Variants in SPOCK3 observed in about 807,000 individuals in gnomAD.
The protein encoded by SPOCK3 is testican-3.
A neutral mutation model predicts 56.6 loss-of-function variants in SPOCK3; 30 were observed. The observed-to-expected ratio is 0.53, with a 90% confidence interval of 0.40 to 0.72. The LOEUF (loss-of-function observed/expected upper bound fraction) is 0.72. Among genes scored for constraint, SPOCK3 ranks in the 30% least tolerant of loss-of-function variants. SPOCK3 has a pLI of 0.00. For synonymous variants in SPOCK3, 196 were observed against 183.3 expected, an observed-to-expected ratio of 1.07 and a Z score of -0.56; for missense variants, 527 against 530.0, an observed-to-expected ratio of 0.99 and a Z score of 0.06.
intron 6 of SPOCK3, among the ~76,000 whole-genome samples, chr4:166,838,493 T>A (rs1746863320): frequency 6.6e-6 from 1 of 151,990 alleles, no homozygotes; most frequent in African/African-American, 2.4e-5. Context: ...GTTTTTTATT[T>A]TGGTTTTTAT....
At chr4:167,226,744 C>G (rs1442743534) in intron 2 of SPOCK3, among the ~76,000 whole-genome samples, 1 of 152,060 alleles carries the variant, frequency 6.6e-6, no homozygotes, top group African/African-American at 2.4e-5. Flanking sequence ...TAGATTTTCT[C>G]TTAAACGCCT....
At chr4:166,864,864 T>C (rs930979914) in intron 6 of SPOCK3, among the ~76,000 whole-genome samples, 2 of 151,798 alleles carry the variant, frequency 1.3e-5, no homozygotes, top group African/African-American at 4.8e-5. Context: ...ACAAAGAGGA[T>C]CTGGTACCAT....
At chr4:167,131,327 C>G (rs1335197744) in intron 2 of SPOCK3, among the ~76,000 whole-genome samples, 1 of 152,122 alleles carries the variant, frequency 6.6e-6, no homozygotes, top group Non-Finnish European at 1.5e-5. Flanking sequence ...GTGGCTGACA[C>G]CTAGAATCCC....
chr4:166,800,173 C>T (rs1412089082), intron 6 of SPOCK3, among the ~76,000 whole-genome samples: 2 of 79,534 alleles, frequency 2.5e-5, no homozygotes, highest in Non-Finnish European at 4.2e-5. Flanking sequence ...CAGAGAGAGA[C>T]TCCATCTCAG....
chr4:167,022,194 T>C (rs1403899569), intron 3 of SPOCK3, among the ~76,000 whole-genome samples: 3 of 151,900 alleles, frequency 2.0e-5, no homozygotes, highest in Admixed American at 2.0e-4. Flanking sequence ...CAGATCCAGA[T>C]TGAGAAGCAA....
chr4:167,032,323 G>A (rs1179843382), intron 3 of SPOCK3, among the ~76,000 whole-genome samples: 4 of 151,834 alleles, frequency 2.6e-5, no homozygotes, highest in Non-Finnish European at 5.9e-5. Context: ...AGCTCCAGAG[G>A]CAAAAATTGA....
chr4:166,743,555 G>A (rs1163288396), intron 8 of SPOCK3, among the ~76,000 whole-genome samples: 1 of 152,156 alleles, frequency 6.6e-6, no homozygotes, highest in Non-Finnish European at 1.5e-5. Context: ...GCAGAAGACG[G>A]GTGATTTCTG....
chr4:166,955,988 G>T (rs575125749), intron 4 of SPOCK3, among the ~76,000 whole-genome samples: 19 of 151,860 alleles, frequency 1.3e-4, no homozygotes, highest in African/African-American at 2.7e-4. Context: ...AATGGCTTTT[G>T]TTCCTGGTAC....
intron 2 of SPOCK3, among the ~76,000 whole-genome samples, chr4:167,197,608 C>G (rs1324594949): frequency 7.2e-6 from 1 of 138,372 alleles, no homozygotes; most frequent in African/African-American, 2.8e-5. Context: ...TGCCTTCAAC[C>G]AGAAAAAAAA....
intron 2 of SPOCK3, among the ~76,000 whole-genome samples, chr4:167,075,464 A>G (rs1364293337): frequency 1.3e-5 from 2 of 151,918 alleles, no homozygotes; most frequent in Non-Finnish European, 2.9e-5. Flanking sequence ...TGTGTCTCCC[A>G]GACTTGCTGC....
Position 166,866,002 on chromosome 4 carries a change from A to C in SPOCK3, c.589+23128T>G, listed in dbSNP as rs142279215. On this transcript the variant is annotated intron_variant, in intron 6 of 10. Coordinates refer to ENST00000357545, the MANE Select transcript of SPOCK3 (RefSeq NM_001040159.2). ...GTCCTAAACAAAAGAACAAAGCTGGAGGCATCATTGCTACCTGACTTCACA... is the reference window on the plus strand; with the variant it reads ...GTCCTAAACAAAAGAACAAAGCTGGCGGCATCATTGCTACCTGACTTCACA... Among the ~76,000 whole-genome samples, 1,329 of 152,288 alleles carry C rather than the reference A, an allele frequency of 8.7e-3. 12 individuals carry two copies. The highest frequency in any genetic ancestry group is 0.024 in the Middle Eastern group (7 of 294).
At chr4:167,072,202 T>C (rs891136370) in intron 2 of SPOCK3, among the ~76,000 whole-genome samples, 1 of 152,044 alleles carries the variant, frequency 6.6e-6, no homozygotes, top group Non-Finnish European at 1.5e-5. Context: ...CTCTTGAAAT[T>C]AGAACCCCAG....
At chr4:166,996,159 T>C (rs1748354657) in intron 4 of SPOCK3, among the ~76,000 whole-genome samples, 1 of 152,176 alleles carries the variant, frequency 6.6e-6, no homozygotes, top group South Asian at 2.1e-4. Context: ...TATAATGCCT[T>C]CTTAGGAGGT....
chr4:167,070,138 A>C (rs1756536308), intron 2 of SPOCK3, among the ~76,000 whole-genome samples: 1 of 151,970 alleles, frequency 6.6e-6, no homozygotes, highest in South Asian at 2.1e-4. Context: ...GAACATAATT[A>C]CAAACACAAC....
chr4:166,850,556 C>A (rs953271193), intron 6 of SPOCK3, among the ~76,000 whole-genome samples: 3 of 152,174 alleles, frequency 2.0e-5, no homozygotes, highest in Admixed American at 6.5e-5. Flanking sequence ...TCTGAGGTAC[C>A]GGGTTCATCT....
intron 4 of SPOCK3, among the ~76,000 whole-genome samples, chr4:166,994,546 G>A: frequency 6.6e-6 from 1 of 152,190 alleles, no homozygotes; most frequent in South Asian, 2.1e-4. Flanking sequence ...AGCTACCTGG[G>A]CCAGATTATA....
intron 4 of SPOCK3, among the ~76,000 whole-genome samples, chr4:166,946,873 G>A (rs945871347): frequency 6.6e-6 from 1 of 152,060 alleles, no homozygotes; most frequent in Non-Finnish European, 1.5e-5. Context: ...TACCATAATT[G>A]TCGAATGGAT....
At chr4:167,165,036 A>T (rs1239216645) in intron 2 of SPOCK3, among the ~76,000 whole-genome samples, 1 of 152,144 alleles carries the variant, frequency 6.6e-6, no homozygotes, top group African/African-American at 2.4e-5. Context: ...CAATGGTTGA[A>T]CTAATTTACA....
chr4:167,186,341 C>T (rs1460396893), intron 2 of SPOCK3, among the ~76,000 whole-genome samples: 2 of 152,114 alleles, frequency 1.3e-5, no homozygotes, highest in East Asian at 3.9e-4. Flanking sequence ...TAAAACAAAT[C>T]TCTAGGCCGG....
Sources: gnomAD v4.1 joint callset for allele counts (sites outside exome capture counted in the v4.1 genomes callset) on GRCh38, gnomAD v4.1.1 for gene constraint, MANE v1.5 for transcripts, NCBI Gene and HGNC (gene_info 2026-07-23, HGNC 2026-07-21) for gene names.